YAF2: variants seen among roughly 807,000 people sequenced by gnomAD.
The protein encoded by YAF2 is YY1-associated factor 2.
YAF2 carries 7 observed loss-of-function variants against 20.1 expected under a neutral mutation model. The ratio of observed to expected loss-of-function variants is 0.35; its 90% CI spans 0.20 to 0.65. The LOEUF is 0.65. Among genes scored for constraint, YAF2 ranks in the 30% least tolerant of loss-of-function variants. YAF2 has a pLI of 0.69. For missense variants in YAF2, 151 were observed against 219.2 expected (o/e 0.69, Z 1.96); for synonymous variants, 74 against 76.0 (o/e 0.97, Z 0.14).
chr12:42,233,435 A>G, intron 2 of YAF2: 1 of 981,352 alleles, frequency 1.0e-6, no homozygotes, highest in Non-Finnish European at 1.2e-6. Context: ...CACCAGTCTT[A>G]AATTAATCAT....
intron 2 of YAF2, among the ~76,000 whole-genome samples, chr12:42,196,225 T>A (rs1204070030): frequency 5.3e-5 from 4 of 75,544 alleles, no homozygotes; most frequent in East Asian, 3.3e-4. Context: ...AGAATCCATC[T>A]GGAAAAAAAA....
chr12:42,215,295 G>T (rs549881446), intron 2 of YAF2, among the ~76,000 whole-genome samples: 20 of 152,142 alleles, frequency 1.3e-4, no homozygotes, highest in Admixed American at 2.6e-4. Context: ...TGTAGGCTGG[G>T]TGCAATGGCT....
intron 2 of YAF2, among the ~76,000 whole-genome samples, chr12:42,176,828 G>A (rs766616146): frequency 2.6e-5 from 4 of 152,092 alleles, no homozygotes; most frequent in East Asian, 1.9e-4. Flanking sequence ...GTAGCTAGGC[G>A]TGGTGCTGGG....
At chr12:42,225,976 C>A (rs1287679212) in intron 2 of YAF2, among the ~76,000 whole-genome samples, 1 of 152,122 alleles carries the variant, frequency 6.6e-6, no homozygotes, top group Non-Finnish European at 1.5e-5. Context: ...GAAGTATGGC[C>A]ATTTTCACAA....
At chr12:42,197,009 T>C (rs760621073) in intron 2 of YAF2, among the ~76,000 whole-genome samples, 2 of 152,254 alleles carry the variant, frequency 1.3e-5, no homozygotes, top group African/African-American at 4.8e-5. Flanking sequence ...GTCTGTTTTG[T>C]TCACTTCTCA....
chr12:42,222,797 A>T (rs2067559975), intron 2 of YAF2, among the ~76,000 whole-genome samples: 1 of 152,120 alleles, frequency 6.6e-6, no homozygotes, highest in South Asian at 2.1e-4. Context: ...GAGAAGATTA[A>T]ATGGTTTTAA....
rs142651413 is a variant in YAF2 at position 42,170,675 on chromosome 12, T to TAC, written c.153-8912_153-8911dup. Among the ~76,000 whole-genome samples the TAC allele has an allele frequency of 6.0e-3, 902 of 150,818 alleles. 8 individuals are homozygous for TAC. Among genetic ancestry groups the TAC allele is most frequent in the African/African-American group, 0.016 (645 of 41,118 alleles). On this transcript the variant is annotated intron_variant, in intron 2 of 3. Coordinates refer to ENST00000534854, the MANE Select transcript of YAF2 (RefSeq NM_005748.6). The stretch of plus-strand genomic sequence containing the variant: ...AAACAAACAAACAAACAAAAAACTA[T>TAC]ACACACACACACACACACAAATTAG...
intron 2 of YAF2, among the ~76,000 whole-genome samples, chr12:42,223,559 G>A (rs899787018): frequency 1.3e-5 from 2 of 151,972 alleles, no homozygotes; most frequent in African/African-American, 4.8e-5. Context: ...ACAGGGTCTC[G>A]CTATGTTGCC....
chr12:42,231,637 C>T (rs1297184963), intron 2 of YAF2: 1 of 152,170 alleles, frequency 6.6e-6, no homozygotes, highest in Non-Finnish European at 1.5e-5. Context: ...TAAAATCATA[C>T]ATCGGTAACT....
At chr12:42,215,722 A>C (rs190480968) in intron 2 of YAF2, among the ~76,000 whole-genome samples, 35 of 152,112 alleles carry the variant, frequency 2.3e-4, no homozygotes, top group African/African-American at 8.2e-4. Context: ...CAGGAGTTCA[A>C]GACAGCCTGG....
At chr12:42,196,424 A>G (rs1002013000) in intron 2 of YAF2, among the ~76,000 whole-genome samples, 2 of 152,108 alleles carry the variant, frequency 1.3e-5, no homozygotes, top group African/African-American at 2.4e-5. Context: ...ACATGAAACG[A>G]TTTGCAAGCC....
intron 2 of YAF2, chr12:42,205,916 A>AT: frequency 5.0e-6 from 2 of 397,944 alleles, no homozygotes; most frequent in Admixed American, 3.1e-5. Context: ...TGTAATTTCC[A>AT]TTTTTTTAAT....
At chr12:42,224,485 G>A (rs1290535320) in intron 2 of YAF2, among the ~76,000 whole-genome samples, 5 of 151,794 alleles carry the variant, frequency 3.3e-5, no homozygotes, top group East Asian at 1.9e-4. Context: ...CCATCAACCC[G>A]TCATCTACAT....
At chr12:42,173,752 C>A (rs1205110147) in intron 2 of YAF2, among the ~76,000 whole-genome samples, 1 of 152,140 alleles carries the variant, frequency 6.6e-6, no homozygotes, top group African/African-American at 2.4e-5. Context: ...TTACTATGTT[C>A]CATTAAATAT....
At chr12:42,198,132 A>G (rs746147084) in intron 2 of YAF2, among the ~76,000 whole-genome samples, 9 of 152,176 alleles carry the variant, frequency 5.9e-5, no homozygotes, top group Non-Finnish European at 1.0e-4. Flanking sequence ...AAAAGTCATC[A>G]TGTAAGGAAT....
intron 2 of YAF2, among the ~76,000 whole-genome samples, chr12:42,169,346 G>C (rs1333287142): frequency 6.6e-6 from 1 of 152,056 alleles, no homozygotes; most frequent in Non-Finnish European, 1.5e-5. Context: ...GCTCCTCTTA[G>C]AACTTCCTCT....
At chr12:42,213,274 G>A (rs984665043) in intron 2 of YAF2, among the ~76,000 whole-genome samples, 4 of 152,244 alleles carry the variant, frequency 2.6e-5, no homozygotes, top group African/African-American at 9.6e-5. Context: ...TAACTTGGAA[G>A]CAGGTGTTCT....
At position 42,234,920 on chromosome 12, in the gene YAF2, C is replaced by G. The variant is rs914424631; in HGVS notation, c.152+2679G>C. 3 of 884,316 alleles carry G rather than the reference C, an allele frequency of 3.4e-6. No homozygotes were observed. In the African/African-American group the frequency reaches 5.5e-5, roughly 16 times the overall value. The allele number at this position is 884,316 out of a possible 1,614,324, so 54.8% of individuals were successfully genotyped here. On this transcript the variant is annotated intron_variant, in intron 2 of 3. Transcript: ENST00000534854. ...GGAGGATTCCTTGAACCTGGGAGTT[C>G]GAGGCTGCAGTGAGCCTGGATGATG...
At chr12:42,211,704 A>T (rs1302727176) in intron 2 of YAF2, among the ~76,000 whole-genome samples, 1 of 143,728 alleles carries the variant, frequency 7.0e-6, no homozygotes, top group African/African-American at 2.6e-5. Context: ...AAGTCGTGCC[A>T]TTGCACTCCA....
Sources: allele counts gnomAD v4.1 joint callset (sites outside exome capture counted in the v4.1 genomes callset), GRCh38; gene constraint gnomAD v4.1.1; transcripts MANE v1.5; gene names NCBI Gene and HGNC (gene_info 2026-07-23, HGNC 2026-07-21).